PGR: variants seen among roughly 807,000 people sequenced by gnomAD.
The protein encoded by PGR is nuclear receptor subfamily 3 group C member 3.
PGR carries 25 observed loss-of-function variants against 76.1 expected under a neutral mutation model. The observed-to-expected ratio is 0.33, with a 90% confidence interval of 0.24 to 0.46. The LOEUF (loss-of-function observed/expected upper bound fraction) is 0.46. Ranked by LOEUF, PGR falls within the 20% of genes least tolerant of loss-of-function variation. The pLI is 1.00. For missense variants in PGR, 1,172 were observed against 1,225.3 expected (o/e 0.96, Z 0.65); for synonymous variants, 579 against 535.0 (o/e 1.08, Z -1.14).
chr11:101,096,491 A>C (rs896408296), intron 2 of PGR, among the ~76,000 whole-genome samples: 4 of 152,242 alleles, frequency 2.6e-5, no homozygotes, highest in Non-Finnish European at 5.9e-5. Context: ...CATGGGGCCC[A>C]GGCATTGCCT....
At chr11:101,057,843 G>C (rs1860348667) in intron 4 of PGR, among the ~76,000 whole-genome samples, 1 of 152,150 alleles carries the variant, frequency 6.6e-6, no homozygotes, top group South Asian at 2.1e-4. Flanking sequence ...AAGTCATCTG[G>C]GTGGAGCTGT....
intron 4 of PGR, among the ~76,000 whole-genome samples, chr11:101,056,063 T>C (rs892283480): frequency 2.0e-5 from 3 of 152,216 alleles, no homozygotes; most frequent in Non-Finnish European, 2.9e-5. Context: ...TTTTTCCTTA[T>C]TAACTGTAAT....
chr11:101,124,883 T>A (rs905408728), intron 2 of PGR, among the ~76,000 whole-genome samples: 12 of 152,168 alleles, frequency 7.9e-5, no homozygotes, highest in African/African-American at 2.9e-4. Context: ...AATACATTCA[T>A]CTTTTGTGAG....
At chr11:101,126,197 T>G in intron 1 of PGR, 39 bp from the exon 2 acceptor site, 1 of 1,599,284 alleles carries the variant, frequency 6.3e-7, no homozygotes, top group Non-Finnish European at 8.6e-7. Context: ...TATTTTTAAG[T>G]GCACCACTAT....
rs1329204320 is a variant in PGR at position 101,034,959 on chromosome 11, C to T, written c.*4157G>A. 5.2e-6 allele frequency: 1 copy of T among 190,896 alleles called. No individual in the cohort carries two copies. The highest frequency in any genetic ancestry group is 8.3e-5 in the East Asian group (1 of 11,998). The allele number at this position is 190,896 out of a possible 1,614,324, so 11.8% of individuals were successfully genotyped here. On this transcript the variant is annotated 3_prime_UTR_variant, in exon 8 of 8. Coordinates refer to ENST00000325455, the MANE Select transcript of PGR (RefSeq NM_000926.4). Reference sequence around the variant, plus strand: ...ATAAGAAAAAAAGAAACCACAAAACCTAGGTGATGTTCTTTTCATTAAAAT... The same window carrying T: ...ATAAGAAAAAAAGAAACCACAAAACTTAGGTGATGTTCTTTTCATTAAAAT...
At chr11:101,118,459 T>C (rs1264260053) in intron 2 of PGR, among the ~76,000 whole-genome samples, 1 of 152,164 alleles carries the variant, frequency 6.6e-6, no homozygotes, top group African/African-American at 2.4e-5. Context: ...GAAGAGTAAA[T>C]AGCATGAAAA....
At chr11:101,127,209 A>G in intron 1 of PGR, 2 of 371,538 alleles carry the variant, frequency 5.4e-6, no homozygotes, top group East Asian at 4.0e-5. Flanking sequence ...GGCACGCCCC[A>G]AAAATAGTAT....
chr11:101,095,332 TAC>T (rs977349008), intron 2 of PGR, among the ~76,000 whole-genome samples: 9 of 152,302 alleles, frequency 5.9e-5, no homozygotes, highest in Admixed American at 1.3e-4. Context: ...AGAGCAAAGT[TAC>T]AGAGGCCAGA....
In PGR at chr11:101,072,924, A is replaced by T. The variant is rs1442661394; in HGVS notation, c.1907-10172T>A. ...TATTAGACAGATCAACAAGACAGAA[A>T]ATTAATAAGGATATCCAGGACTTGA... On this transcript the variant is annotated intron_variant, in intron 3 of 7. Transcript: ENST00000325455. 3.9e-5 allele frequency among the ~76,000 whole-genome samples: 6 copies of T among 152,246 alleles called. No homozygotes were observed. In the South Asian group the frequency reaches 6.2e-4, roughly 16 times the overall value.
intron 3 of PGR, among the ~76,000 whole-genome samples, chr11:101,087,456 T>C (rs980036728): frequency 2.0e-5 from 3 of 152,162 alleles, no homozygotes; most frequent in African/African-American, 7.2e-5. Flanking sequence ...GATTTAAATA[T>C]AACACCTCAA....
chr11:101,069,677 C>A (rs890594011), intron 3 of PGR, among the ~76,000 whole-genome samples: 5 of 152,134 alleles, frequency 3.3e-5, no homozygotes, highest in Non-Finnish European at 7.4e-5. Flanking sequence ...TACTATGCAG[C>A]CATCAAAAGG....
chr11:101,097,505 T>G (rs913805090), intron 2 of PGR, among the ~76,000 whole-genome samples: 1 of 152,358 alleles, frequency 6.6e-6, no homozygotes, highest in East Asian at 1.9e-4. Flanking sequence ...TTAACTCTTG[T>G]GTAAAATACA....
rs748524564 is a variant in PGR at position 101,127,887 on chromosome 11, T to C, written c.1184A>G (p.Glu395Gly). 2.3e-5 allele frequency: 37 copies of C among 1,588,142 alleles called. No individual in the cohort carries two copies. The highest frequency in any genetic ancestry group is 3.1e-5 in the Non-Finnish European group (36 of 1,170,308). Residue 395 changes from glutamate to glycine, a missense_variant, in exon 1 of 8, where the codon GAG (glutamate) becomes GGG (glycine). Around this residue, in one of 4 missense-constraint regions of PGR, gnomAD observed 893 missense variants for 785.9 expected, o/e 1.14. Transcript: ENST00000325455. ...GGAACGCGGGGAGCGCGCGGAGGCC[T>C]CCGCGCCTTCCTCCTCCTCCTTTAT... ...LKIKEEEEGA[E>G]ASARSPRSYL...
At chr11:101,045,916 C>T (rs185210275) in intron 6 of PGR, among the ~76,000 whole-genome samples, 65 of 151,952 alleles carry the variant, frequency 4.3e-4, no homozygotes, top group African/African-American at 1.5e-3. Context: ...TGAGAAATCT[C>T]CATATGGTGT....
intron 2 of PGR, among the ~76,000 whole-genome samples, chr11:101,099,086 C>T (rs977738542): frequency 1.3e-5 from 2 of 152,114 alleles, no homozygotes; most frequent in Non-Finnish European, 2.9e-5. Flanking sequence ...ACAGGTGTGT[C>T]CACATGCAAA....
chr11:101,075,763 A>G (rs539594855), intron 3 of PGR, among the ~76,000 whole-genome samples: 1 of 152,354 alleles, frequency 6.6e-6, no homozygotes, highest in Admixed American at 6.5e-5. Context: ...CAATACCACA[A>G]TGAGATGCCA....
chr11:101,110,851 T>C (rs1265285228), intron 2 of PGR, among the ~76,000 whole-genome samples: 1 of 152,160 alleles, frequency 6.6e-6, no homozygotes, highest in Non-Finnish European at 1.5e-5. Flanking sequence ...CAGCAATCAC[T>C]ACCTCGATAA....
intron 1 of PGR, 91 bp downstream of exon 1, chr11:101,127,343 G>C: frequency 2.1e-6 from 2 of 967,316 alleles, no homozygotes. Context: ...GCAGCGGTGC[G>C]CTGGGGCTGG....
At chr11:101,055,448 C>A (rs933438676) in intron 4 of PGR, among the ~76,000 whole-genome samples, 14 of 134,250 alleles carry the variant, frequency 1.0e-4, no homozygotes, top group Admixed American at 7.5e-4. Flanking sequence ...AAAAAAGGCT[C>A]ATAGAAAGTT....
Sources: allele counts gnomAD v4.1 joint callset (sites outside exome capture counted in the v4.1 genomes callset), GRCh38; gene constraint gnomAD v4.1.1; regional missense constraint gnomAD v4.1.1; transcripts MANE v1.5; gene names NCBI Gene and HGNC (gene_info 2026-07-23, HGNC 2026-07-21).